Variants in P2RY12 observed in about 807,000 individuals in gnomAD.
P2RY12 encodes the protein purinergic receptor P2Y12.
In P2RY12, 3 loss-of-function variants were observed where a neutral mutation model predicts 4.5. The observed-to-expected ratio is 0.67, with a 90% CI of 0.31 to 1.74. P2RY12 has a LOEUF of 1.74. Among genes scored for constraint, P2RY12 ranks in the 40% most tolerant of loss-of-function variants. The pLI is 0.09. For missense variants in P2RY12, 356 were observed against 407.8 expected (o/e 0.87, Z 1.09); for synonymous variants, 148 against 154.1 (o/e 0.96, Z 0.29).
At chr3:151,343,800 C>G (rs939307681) in intron 1 of P2RY12, among the ~76,000 whole-genome samples, 1 of 152,104 alleles carries the variant, frequency 6.6e-6, no homozygotes, top group African/African-American at 2.4e-5. Flanking sequence ...GTCTGCTCAT[C>G]TGAAAATGTT....
intron 1 of P2RY12, chr3:151,368,374 A>G: frequency 1.3e-6 from 1 of 747,634 alleles, no homozygotes; most frequent in Non-Finnish European, 2.3e-6. Context: ...CCTGGGGGTG[A>G]TGAAGGGTGA....
chr3:151,353,557 G>A (rs1241522197), intron 1 of P2RY12, among the ~76,000 whole-genome samples: 3 of 152,102 alleles, frequency 2.0e-5, no homozygotes, highest in African/African-American at 2.4e-5. Context: ...TCTTTGTTAG[G>A]GAATTAGAAA....
At chr3:151,355,741 A>G (rs1451543425) in intron 1 of P2RY12, among the ~76,000 whole-genome samples, 1 of 152,228 alleles carries the variant, frequency 6.6e-6, no homozygotes, top group Non-Finnish European at 1.5e-5. Context: ...TTTTCTTTGT[A>G]CATAGTTTTA....
chr3:151,372,505 C>A, intron 1 of P2RY12: 2 of 1,217,006 alleles, frequency 1.6e-6, no homozygotes, highest in Admixed American at 3.4e-5. Flanking sequence ...CTCATTTGCT[C>A]CTCAATTATT....
In P2RY12 at chr3:151,369,685, G is replaced by C; in HGVS notation, c.-180+15007C>G. 3 of 569,018 alleles carry C rather than the reference G, an allele frequency of 5.3e-6. No homozygotes were observed. In the South Asian group the frequency reaches 8.1e-5, roughly 15 times the overall value. The allele number at this position is 569,018 out of a possible 1,614,324, so 35.2% of individuals were successfully genotyped here. A position where few individuals can be genotyped will look rare whatever the true frequency, so the allele number is the denominator to read the frequency against. On this transcript the variant is annotated intron_variant, in intron 1 of 2. Transcript: ENST00000302632. ...ATCGCTTATTCTCCTGGAAAAATTAGTGGTTTCTCCTAGACCAAATACATC... is the reference window on the plus strand; with the variant it reads ...ATCGCTTATTCTCCTGGAAAAATTACTGGTTTCTCCTAGACCAAATACATC...
chr3:151,383,859 T>C, intron 1 of P2RY12: 5 of 1,613,960 alleles, frequency 3.1e-6, no homozygotes, highest in Non-Finnish European at 2.5e-6. Context: ...AGATCATTAC[T>C]TCAGGAACTG....
chr3:151,348,678 A>C lies in P2RY12; in HGVS notation c.-179-7918T>G, dbSNP rs368370573. On this transcript the variant is annotated intron_variant, in intron 1 of 2. Transcript: ENST00000302632. ...GGGCATATAAATGTTTATTTCTTGTAATGTATAATAAAAAAGGAACCAGTG... is the reference window on the plus strand; with the variant it reads ...GGGCATATAAATGTTTATTTCTTGTCATGTATAATAAAAAAGGAACCAGTG... Among the ~76,000 whole-genome samples the C allele has an allele frequency of 2.1e-4, 32 of 151,956 alleles. No individual in the cohort carries two copies. In the East Asian group the frequency reaches 4.5e-3, roughly 21 times the overall value.
chr3:151,377,487 TATTA>T (rs1308946705), intron 1 of P2RY12, among the ~76,000 whole-genome samples: 6 of 152,348 alleles, frequency 3.9e-5, no homozygotes, highest in South Asian at 4.1e-4. Context: ...CCACCATTTT[TATTA>T]ATTAATTATT....
rs147884215 is a variant in P2RY12 at position 151,377,018 on chromosome 3, A to G, written c.-180+7674T>C. The G allele has an allele frequency of 7.4e-6, 12 of 1,613,988 alleles. No homozygotes were observed. Among genetic ancestry groups the G allele is most frequent in the Middle Eastern group, 3.3e-4 (2 of 6,060 alleles). On this transcript the variant is annotated intron_variant, in intron 1 of 2. Coordinates refer to ENST00000302632, the MANE Select transcript of P2RY12 (RefSeq NM_022788.5). ...CTCTGGTTCTGTGGCCGAAATGAACAACTTACTGGACAATATTGCAAAGGC... is the reference window on the plus strand; with the variant it reads ...CTCTGGTTCTGTGGCCGAAATGAACGACTTACTGGACAATATTGCAAAGGC...
chr3:151,344,835 C>T (rs1752332887), intron 1 of P2RY12, among the ~76,000 whole-genome samples: 1 of 152,100 alleles, frequency 6.6e-6, no homozygotes. Context: ...GTTGAAATAT[C>T]AGAAAATGTG....
chr3:151,347,477 A>G lies in P2RY12; in HGVS notation c.-179-6717T>C, dbSNP rs1752674131. 2.0e-5 allele frequency among the ~76,000 whole-genome samples: 3 copies of G among 152,244 alleles called. No homozygotes were observed. The South Asian group carries it at 6.2e-4, about 31-fold the overall frequency. Reference sequence around the variant, plus strand: ...TGAATTATACTGTAATAAATGCTCCAAAGTCTACTTCCCCTCCTTCTGTGG... The same window carrying G: ...TGAATTATACTGTAATAAATGCTCCGAAGTCTACTTCCCCTCCTTCTGTGG... On this transcript the variant is annotated intron_variant, in intron 1 of 2. Coordinates refer to ENST00000302632, the MANE Select transcript of P2RY12 (RefSeq NM_022788.5).
At chr3:151,380,712 C>G (rs1186255117) in intron 1 of P2RY12, among the ~76,000 whole-genome samples, 3 of 151,794 alleles carry the variant, frequency 2.0e-5, no homozygotes, top group Non-Finnish European at 2.9e-5. Context: ...AGATTAACAA[C>G]TTTATATTAA....
intron 1 of P2RY12, among the ~76,000 whole-genome samples, chr3:151,359,220 C>G (rs1013972964): frequency 2.0e-5 from 3 of 152,060 alleles, no homozygotes; most frequent in Non-Finnish European, 4.4e-5. Flanking sequence ...AGGATAATGG[C>G]CTGCAGCTAC....
intron 1 of P2RY12, among the ~76,000 whole-genome samples, chr3:151,360,128 A>G (rs1157026446): frequency 1.3e-5 from 2 of 152,088 alleles, no homozygotes; most frequent in African/African-American, 4.8e-5. Flanking sequence ...GAATTTGTGA[A>G]TCTGCGGAGG....
chr3:151,359,733 G>A (rs746069924), intron 1 of P2RY12, among the ~76,000 whole-genome samples: 2 of 152,048 alleles, frequency 1.3e-5, no homozygotes, highest in Non-Finnish European at 2.9e-5. Flanking sequence ...CTGTGACTCC[G>A]TTAGTGTAAT....
intron 1 of P2RY12, chr3:151,382,663 G>C: frequency 6.2e-7 from 1 of 1,604,446 alleles, no homozygotes; most frequent in Non-Finnish European, 8.5e-7. Context: ...TAGATTTTAA[G>C]TAACTGGAGA....
At chr3:151,366,314 C>G (rs1157631003) in intron 1 of P2RY12, among the ~76,000 whole-genome samples, 2 of 152,150 alleles carry the variant, frequency 1.3e-5, no homozygotes, top group African/African-American at 4.8e-5. Context: ...ACCAACTGCC[C>G]TGGATTCCTC....
intron 1 of P2RY12, among the ~76,000 whole-genome samples, chr3:151,343,677 C>T (rs1485624189): frequency 1.3e-5 from 2 of 152,106 alleles, no homozygotes; most frequent in African/African-American, 2.4e-5. Context: ...ACAGAGCTAA[C>T]TTTGGTTGGT....
intron 1 of P2RY12, among the ~76,000 whole-genome samples, chr3:151,368,742 T>G (rs150285637): frequency 0.011 from 1,342 of 127,784 alleles, 84 homozygotes; most frequent in East Asian, 0.083. Context: ...TTCATTTCAT[T>G]TCATTTCATG....
Sources: gnomAD v4.1 joint callset for allele counts (sites outside exome capture counted in the v4.1 genomes callset) on GRCh38, gnomAD v4.1.1 for gene constraint, MANE v1.5 for transcripts, NCBI Gene and HGNC (gene_info 2026-07-23, HGNC 2026-07-21) for gene names.